Variants in UTRN observed in about 807,000 individuals in gnomAD.
UTRN encodes the protein dystrophin-related protein 1.
In UTRN, 283 loss-of-function variants were observed where a neutral mutation model predicts 463.9. That is an observed-to-expected ratio of 0.61 (90% CI 0.55 to 0.67). UTRN has a LOEUF of 0.67. UTRN is among the 30% of genes least tolerant of loss of function. The pLI, the probability that UTRN is intolerant of heterozygous loss-of-function variation, is 0.00. For missense variants in UTRN, 3,922 were observed against 4,084.3 expected (o/e 0.96, Z 1.08); for synonymous variants, 1,442 against 1,431.5 (o/e 1.01, Z -0.17).
At chr6:144,371,875 G>T (rs181008650) in intron 2 of UTRN, among the ~76,000 whole-genome samples, 2 of 152,258 alleles carry the variant, frequency 1.3e-5, no homozygotes, top group East Asian at 3.9e-4. Flanking sequence ...GGGGGTTGTT[G>T]ACTAAGAAAT....
At chr6:144,617,416 T>A (rs574130418) in intron 51 of UTRN, among the ~76,000 whole-genome samples, 1 of 152,342 alleles carries the variant, frequency 6.6e-6, no homozygotes, top group East Asian at 1.9e-4. Flanking sequence ...TAACTGTAAG[T>A]CACCTCAATT....
At chr6:144,361,866 A>G (rs7773330) in intron 2 of UTRN, among the ~76,000 whole-genome samples, 1 of 150,260 alleles carries the variant, frequency 6.7e-6, no homozygotes, top group Admixed American at 6.6e-5. Flanking sequence ...TTGGTCTCCT[A>G]AAAGTGCTGA....
intron 34 of UTRN, among the ~76,000 whole-genome samples, chr6:144,509,161 G>A (rs1274435422): frequency 6.6e-6 from 1 of 151,914 alleles, no homozygotes; most frequent in South Asian, 2.1e-4. Context: ...ATTCTATTCG[G>A]TAACATATAT....
At chr6:144,516,500 T>A in intron 38 of UTRN, 113 bp downstream of exon 38, 1 of 1,237,632 alleles carries the variant, frequency 8.1e-7, no homozygotes, top group Non-Finnish European at 1.1e-6. Flanking sequence ...TGAAACAGAT[T>A]CAAATGTGAT....
At chr6:144,615,132 T>C (rs1352960725) in intron 51 of UTRN, among the ~76,000 whole-genome samples, 3 of 152,166 alleles carry the variant, frequency 2.0e-5, no homozygotes, top group South Asian at 2.1e-4. Flanking sequence ...TGTTTGTAAC[T>C]GTTCAGAAAT....
At chr6:144,437,832 G>T in intron 11 of UTRN, 86 bp downstream of exon 11, 4 of 1,363,152 alleles carry the variant, frequency 2.9e-6, no homozygotes, top group Non-Finnish European at 3.9e-6. Flanking sequence ...GTCTGTGAAA[G>T]CGAGATGATT....
chr6:144,481,770 C>A (rs764156263), intron 26 of UTRN, among the ~76,000 whole-genome samples: 2 of 152,192 alleles, frequency 1.3e-5, no homozygotes, highest in African/African-American at 4.8e-5. Flanking sequence ...CAAAAACGCT[C>A]AACTGGGCTG....
intron 42 of UTRN, among the ~76,000 whole-genome samples, chr6:144,532,423 C>T (rs1361391218): frequency 6.6e-6 from 1 of 152,072 alleles, no homozygotes; most frequent in Non-Finnish European, 1.5e-5. Context: ...CTTCATATGG[C>T]GGCAGGAGAG....
At chr6:144,672,706 G>T (rs1355000461) in intron 51 of UTRN, among the ~76,000 whole-genome samples, 1 of 151,884 alleles carries the variant, frequency 6.6e-6, no homozygotes, top group South Asian at 2.1e-4. Context: ...CTTTTCTTCT[G>T]CTGGATTTGG....
At chr6:144,346,591 C>T (rs940691866) in intron 2 of UTRN, among the ~76,000 whole-genome samples, 5 of 152,144 alleles carry the variant, frequency 3.3e-5, no homozygotes, top group South Asian at 2.1e-4. Context: ...GAGCCCGAGG[C>T]GGGCAGATCA....
chr6:144,717,958 T>A (rs923530006), intron 53 of UTRN, among the ~76,000 whole-genome samples: 2 of 152,082 alleles, frequency 1.3e-5, no homozygotes, highest in Non-Finnish European at 2.9e-5. Context: ...CTGGCCCATT[T>A]TTTTCATAAT....
chr6:144,615,150 T>C (rs1562652849), intron 51 of UTRN, among the ~76,000 whole-genome samples: 1 of 152,154 alleles, frequency 6.6e-6, no homozygotes, highest in Admixed American at 6.6e-5. Context: ...AATACTTACA[T>C]TGAAAGAATG....
chr6:144,721,453 C>T (rs1787160462), intron 53 of UTRN, among the ~76,000 whole-genome samples: 1 of 152,186 alleles, frequency 6.6e-6, no homozygotes, highest in African/African-American at 2.4e-5. Flanking sequence ...AAGCAATCCT[C>T]CTGCCTTGGC....
intron 51 of UTRN, among the ~76,000 whole-genome samples, chr6:144,610,153 T>TG (rs745626152): frequency 2.4e-5 from 3 of 126,886 alleles, no homozygotes; most frequent in Non-Finnish European, 3.4e-5. Context: ...GATTCTTTTT[T>TG]GAAAAAAAAA....
chr6:144,626,903 A>T (rs1359946207), intron 51 of UTRN, among the ~76,000 whole-genome samples: 1 of 152,156 alleles, frequency 6.6e-6, no homozygotes, highest in Non-Finnish European at 1.5e-5. Flanking sequence ...GGCTTTTCTT[A>T]TACACAAATC....
intron 51 of UTRN, among the ~76,000 whole-genome samples, chr6:144,594,249 G>C (rs1252478004): frequency 6.6e-6 from 1 of 151,098 alleles, no homozygotes; most frequent in Non-Finnish European, 1.5e-5. Flanking sequence ...GTAGAGCTTT[G>C]CTCTTAAAGT....
At chr6:144,809,288 A>G (rs6939199) in intron 65 of UTRN, among the ~76,000 whole-genome samples, 18 of 152,142 alleles carry the variant, frequency 1.2e-4, no homozygotes, top group African/African-American at 4.3e-4. Context: ...ACTGATTGCT[A>G]CCTTGCCACT....
chr6:144,488,397 T>A (rs1792692678), intron 29 of UTRN, among the ~76,000 whole-genome samples: 1 of 152,244 alleles, frequency 6.6e-6, no homozygotes, highest in Non-Finnish European at 1.5e-5. Flanking sequence ...AACACATTTT[T>A]ATCTTCTGTT....
intron 54 of UTRN, 23 bp downstream of exon 54, chr6:144,730,509 A>G (rs1005366647): frequency 1.1e-5 from 17 of 1,583,848 alleles, no homozygotes; most frequent in African/African-American, 9.6e-5. Context: ...TCTCCACTAC[A>G]TCATAAAAAC....
Sources: gnomAD v4.1 joint callset for allele counts (sites outside exome capture counted in the v4.1 genomes callset) on GRCh38, gnomAD v4.1.1 for gene constraint, MANE v1.5 for transcripts, NCBI Gene and HGNC (gene_info 2026-07-23, HGNC 2026-07-21) for gene names.